The following MTBP variants were observed in gnomAD, a reference collection of about 807,000 sequenced individuals.
MTBP encodes the protein mdm2-binding protein.
In MTBP, 101 loss-of-function variants were observed where a neutral mutation model predicts 117.0. The ratio of observed to expected loss-of-function variants is 0.86; its 90% CI spans 0.73 to 1.02. MTBP has a LOEUF of 1.02. Ranked by LOEUF, MTBP falls within the 50% of genes least tolerant of loss-of-function variation. MTBP has a pLI of 0.00. For synonymous variants in MTBP, 350 were observed against 351.5 expected, an observed-to-expected ratio of 1.00 and a Z score of 0.05; for missense variants, 970 against 1,030.9, an observed-to-expected ratio of 0.94 and a Z score of 0.81.
In MTBP at chr8:120,470,823, G is replaced by T. The variant is rs1387783599; in HGVS notation, c.1051G>T (p.Gly351Cys). Reference protein sequence around the residue: ...EQISSLCSKVGALFVLPCTIS... With the variant: ...EQISSLCSKVCALFVLPCTIS... ...AAATATGGTCTGTTTTATTCAGGTT[G>T]GTGCTCTTTTTGTATTGCCATGTAC... is the stretch of plus-strand genomic sequence containing the variant. The change falls in exon 11 of 22, where the codon GGT becomes TGT. Residue 351 changes from glycine (G) to cysteine (C), a missense_variant. Gly to Cys is a radical substitution (Grantham distance 159). Coordinates refer to ENST00000305949, the MANE Select transcript of MTBP (RefSeq NM_022045.5). 2 of 1,592,216 alleles carry T rather than the reference G, an allele frequency of 1.3e-6. No homozygotes were observed. Among genetic ancestry groups the T allele is most frequent in the Admixed American group, 1.7e-5 (1 of 59,736 alleles).
intron 13 of MTBP, 132 bp downstream of exon 13, chr8:120,490,702 T>C (rs1206900172): frequency 1.6e-5 from 9 of 579,426 alleles, no homozygotes; most frequent in Non-Finnish European, 2.7e-5. Context: ...AGAACTATTT[T>C]TGAAAGCAAT....
chr8:120,461,330 A>G (rs1336454148), intron 9 of MTBP, 75 bp downstream of exon 9: 43 of 1,014,866 alleles, frequency 4.2e-5, no homozygotes, highest in Non-Finnish European at 5.8e-5. Flanking sequence ...TTGTCAGGTA[A>G]ATATACATGT....
At position 120,511,021 on chromosome 8, in the gene MTBP, T is replaced by A. The variant is rs536137465; in HGVS notation, c.1979+992T>A. 7.2e-5 allele frequency among the ~76,000 whole-genome samples: 11 copies of A among 152,298 alleles called. No individual in the cohort carries two copies. The South Asian group carries it at 1.5e-3, about 20-fold the overall frequency. On this transcript the variant is annotated intron_variant, in intron 17 of 21. Transcript: ENST00000305949. ...ATCCTGTATGAAATGCTAATTTGAA[T>A]CTAAATGGTAAGATAAGATTTTTAA...
In MTBP at chr8:120,478,685, A is replaced by G. The variant is rs1055886302; in HGVS notation, c.1165+7748A>G. On this transcript the variant is annotated intron_variant, in intron 11 of 21. Coordinates refer to ENST00000305949, the MANE Select transcript of MTBP (RefSeq NM_022045.5). ...GAGGGACTAGATAATGACTGATAAA[A>G]TGTTTTGAAATGATGAAGCATGTGC... is the stretch of plus-strand genomic sequence containing the variant. Among the ~76,000 whole-genome samples, 8 of 152,346 alleles carry G rather than the reference A, an allele frequency of 5.3e-5. No individual in the cohort carries two copies. The East Asian group carries it at 1.5e-3, about 29-fold the overall frequency.
intron 11 of MTBP, among the ~76,000 whole-genome samples, chr8:120,475,560 A>G (rs1392837786): frequency 6.6e-6 from 1 of 151,978 alleles, no homozygotes; most frequent in Non-Finnish European, 1.5e-5. Flanking sequence ...ATTGTTACTT[A>G]TCAGCAATTT....
chr8:120,462,043 GT>G (rs1813591425), intron 9 of MTBP, among the ~76,000 whole-genome samples: 1 of 152,166 alleles, frequency 6.6e-6, no homozygotes, highest in South Asian at 2.1e-4. Flanking sequence ...AAGAGTAGTG[GT>G]TTTTTGGCTT....
intron 4 of MTBP, chr8:120,452,736 T>G (rs1292137012): frequency 6.7e-6 from 1 of 149,280 alleles, no homozygotes; most frequent in Non-Finnish European, 1.5e-5. Flanking sequence ...AGCCTGAGGC[T>G]GGAGAATTGC....
chr8:120,517,734 A>G, intron 18 of MTBP, 117 bp from the exon 19 acceptor site: 1 of 1,023,444 alleles, frequency 9.8e-7, no homozygotes, highest in Non-Finnish European at 1.4e-6. Context: ...TAAGACAGAA[A>G]ATGAACTTCG....
chr8:120,521,794 C>A (rs1815010571), intron 20 of MTBP, among the ~76,000 whole-genome samples: 1 of 152,116 alleles, frequency 6.6e-6, no homozygotes, highest in African/African-American at 2.4e-5. Context: ...GAAAAAATAT[C>A]TTTTACCTGA....
chr8:120,499,737 G>A (rs1227146593), intron 14 of MTBP, among the ~76,000 whole-genome samples: 1 of 152,166 alleles, frequency 6.6e-6, no homozygotes, highest in East Asian at 1.9e-4. Context: ...TGACAAGACA[G>A]TATGTAGAAA....
rs1813341537 is a variant in MTBP, at chr8:120,451,336, G to C, written c.425+14G>C. On this transcript the variant is annotated intron_variant, in intron 4 of 21. Coordinates refer to ENST00000305949, the MANE Select transcript of MTBP (RefSeq NM_022045.5). ...ATCCTTGGCTGAGTATGCTTATATG[G>C]TTTTTGTATTATCATTAAAATACTT... 6.3e-7 allele frequency: 1 copy of C among 1,596,752 alleles called. No homozygotes were observed. The highest frequency in any genetic ancestry group is 1.7e-5 in the Admixed American group (1 of 59,884).
chr8:120,482,339 A>G (rs1814102772), intron 11 of MTBP, among the ~76,000 whole-genome samples: 1 of 152,210 alleles, frequency 6.6e-6, no homozygotes, highest in African/African-American at 2.4e-5. Context: ...TCCTTATTGT[A>G]TCTCAAACTT....
At chr8:120,456,812 G>T (rs1813479497) in intron 7 of MTBP, 142 bp downstream of exon 7, 5 of 622,172 alleles carry the variant, frequency 8.0e-6, no homozygotes, top group Non-Finnish European at 1.1e-5. Flanking sequence ...ATAATTAAAT[G>T]TTCTATATCT....
chr8:120,484,881 A>T (rs907211768), intron 11 of MTBP, among the ~76,000 whole-genome samples: 1 of 152,168 alleles, frequency 6.6e-6, no homozygotes, highest in African/African-American at 2.4e-5. Flanking sequence ...TGTTCTGGAC[A>T]TGTCATGGAA....
In MTBP at chr8:120,456,159, A is replaced by G. The variant is rs534811638; in HGVS notation, c.630-394A>G. On this transcript the variant is annotated intron_variant, in intron 6 of 21. Coordinates refer to ENST00000305949, the MANE Select transcript of MTBP (RefSeq NM_022045.5). Reference sequence around the variant, plus strand: ...AGAAACAGGAATGCTAACAGTCAAGAAAGTCTGTGGTAAGTGCGTTACAGA... The same window carrying G: ...AGAAACAGGAATGCTAACAGTCAAGGAAGTCTGTGGTAAGTGCGTTACAGA... Among the ~76,000 whole-genome samples, 3 of 152,248 alleles carry G rather than the reference A, an allele frequency of 2.0e-5. No homozygotes were observed. The South Asian group carries it at 6.2e-4, about 32-fold the overall frequency.
At position 120,523,243 on chromosome 8, in the gene MTBP, T is replaced by C. The variant is rs898433013; in HGVS notation, c.2677-55T>C. On this transcript the variant is annotated intron_variant, in intron 21 of 21. Coordinates refer to ENST00000305949, the MANE Select transcript of MTBP (RefSeq NM_022045.5). ...TTGAAGTTTTTACAATATATTTTTC[T>C]ATTACTTGTGTTTTCAAGAGAAATC... 11 of 1,164,658 alleles carry C rather than the reference T, an allele frequency of 9.4e-6. No individual in the cohort carries two copies. The Admixed American group carries it at 2.4e-4, about 25-fold the overall frequency. 72.1% of individuals were successfully genotyped at this position (1,164,658 alleles called of 1,614,324 possible).
chr8:120,469,992 C>T (rs568230139), intron 10 of MTBP, among the ~76,000 whole-genome samples: 2 of 152,168 alleles, frequency 1.3e-5, no homozygotes, highest in African/African-American at 2.4e-5. Context: ...TTTGCACTAG[C>T]TTTAAGATCT....
At position 120,502,609 on chromosome 8, in the gene MTBP, G is replaced by A; in HGVS notation, c.1727G>A (p.Arg576Lys). The A allele has an allele frequency of 6.4e-7, 1 of 1,558,284 alleles. No individual in the cohort carries two copies. Among genetic ancestry groups the A allele is most frequent in the South Asian group, 1.2e-5 (1 of 84,958 alleles). The change falls in exon 15 of 22, where the codon AGA (arginine) becomes AAA (lysine). Residue 576 changes from arginine (R) to lysine (K), a missense_variant and splice_region_variant. Coordinates refer to ENST00000305949, the MANE Select transcript of MTBP (RefSeq NM_022045.5). ...ETFEKTKQKM[R>K]TGSLPHSSEQ... ...TTTGAAAAAACTAAACAAAAAATGA[G>A]GTAATATTTGAATCTGTAGTAAAGC...
chr8:120,517,828 G>A, intron 18 of MTBP, 23 bp from the exon 19 acceptor site: 2 of 1,594,800 alleles, frequency 1.3e-6, no homozygotes, highest in Non-Finnish European at 1.7e-6. Context: ...CTACGTTCTT[G>A]ATTTTTTTCC....
Sources: gnomAD v4.1 joint callset for allele counts (sites outside exome capture counted in the v4.1 genomes callset) on GRCh38, gnomAD v4.1.1 for gene constraint, MANE v1.5 for transcripts, NCBI Gene and HGNC (gene_info 2026-07-23, HGNC 2026-07-21) for gene names.